The following SEPTIN8 variants were observed in gnomAD, a reference collection of about 807,000 sequenced individuals.
SEPTIN8 encodes the protein septin 8.
A neutral mutation model predicts 53.1 loss-of-function variants in SEPTIN8; 22 were observed. The observed-to-expected ratio is 0.41, with a 90% CI of 0.30 to 0.59. The LOEUF is 0.59. Ranked by LOEUF, SEPTIN8 falls within the 20% of genes least tolerant of loss-of-function variation. The pLI, the probability that SEPTIN8 is intolerant of heterozygous loss-of-function variation, is 0.24. For synonymous variants in SEPTIN8, 228 were observed against 248.4 expected, an observed-to-expected ratio of 0.92 and a Z score of 0.77; for missense variants, 536 against 638.7, an observed-to-expected ratio of 0.84 and a Z score of 1.73.
rs1754810490 is a variant in SEPTIN8, at chr5:132,751,123, A to T, written c.*893T>A. On this transcript the variant is annotated 3_prime_UTR_variant, in exon 10 of 10. Coordinates refer to ENST00000378719, the MANE Select transcript of SEPTIN8 (RefSeq NM_001098811.2). ...CTTGCACATGCACCACAGTGAGGTG[A>T]CGCACAAGGCTCATGACATACGGAA... 1 of 1,070,996 alleles carries T rather than the reference A, an allele frequency of 9.3e-7. No individual in the cohort carries two copies. Among genetic ancestry groups the T allele is most frequent in the Non-Finnish European group, 1.4e-6 (1 of 739,610 alleles). 66.3% of individuals were successfully genotyped at this position (1,070,996 alleles called of 1,614,324 possible). A position where few individuals can be genotyped will look rare whatever the true frequency, so the allele number is the denominator to read the frequency against.
chr5:132,774,655 C>T (rs1757626396), intron 1 of SEPTIN8, among the ~76,000 whole-genome samples: 1 of 152,210 alleles, frequency 6.6e-6, no homozygotes, highest in South Asian at 2.1e-4. Context: ...ACCCAGCACA[C>T]ATCCATCTCA....
chr5:132,777,367 C>A, upstream of SEPTIN8: 2 of 1,034,518 alleles, frequency 1.9e-6, no homozygotes, highest in African/African-American at 3.4e-5. The surrounding 1 kb of genome is among the most constrained non-coding windows in gnomAD (Gnocchi z 4.1). Flanking sequence ...GCAGCCGGAG[C>A]CCCGCCGCTT....
In SEPTIN8 at chr5:132,760,951, C is replaced by T. The variant is rs1342357835; in HGVS notation, c.1137G>A (p.Glu379=). 1.9e-6 allele frequency: 3 copies of T among 1,595,360 alleles called. No individual in the cohort carries two copies. The South Asian group carries it at 3.4e-5, about 18-fold the overall frequency. Residue 379 remains glutamate, a synonymous_variant, in exon 9 of 10, where the codon GAG becomes GAA. Transcript: ENST00000378719. The surrounding 1 kb of genome is among the most constrained non-coding windows in gnomAD (Gnocchi z 5.2). ...KFEHLKRVHQ[E]EKRKVEEKRR... is the part of the protein sequence containing the mutation. ...GCTTTTCCTCCACCTTGCGCTTCTC[C>T]TCCTGGTGGACCCGCTTCAGGTGCT... is the stretch of plus-strand genomic sequence containing the variant.
chr5:132,777,767 C>T (rs1177236631), upstream of SEPTIN8: 2 of 985,340 alleles, frequency 2.0e-6, no homozygotes, highest in Non-Finnish European at 2.4e-6. This position sits in a 1 kb window ranked among gnomAD's most constrained non-coding sequence, Gnocchi z 4.1. Context: ...CCTGATGCTC[C>T]GGCCGGAGCT....
At chr5:132,756,060 C>A in intron 9 of SEPTIN8, 1 of 985,214 alleles carries the variant, frequency 1.0e-6, no homozygotes, top group East Asian at 1.1e-4. Context: ...TGGAAAAGAA[C>A]AAAAACAGTC....
chr5:132,760,668 A>G lies in SEPTIN8; in HGVS notation c.1286+134T>C, dbSNP rs2149966188. The G allele has an allele frequency of 1.2e-6, 1 of 810,406 alleles. No individual in the cohort carries two copies. Among genetic ancestry groups the G allele is most frequent in the Non-Finnish European group, 2.0e-6 (1 of 506,830 alleles). 50.2% of individuals were successfully genotyped at this position (810,406 alleles called of 1,614,324 possible). ...AGAAAGCTGGGGGGAGAGCCACTGA[A>G]GATGAGGGAAAACCAAACAGGAAAG... On this transcript the variant is annotated intron_variant, in intron 9 of 9. Transcript: ENST00000378719. The surrounding 1 kb of genome is among the most constrained non-coding windows in gnomAD (Gnocchi z 5.2).
chr5:132,772,567 G>A (rs1420079054), intron 1 of SEPTIN8, among the ~76,000 whole-genome samples: 1 of 152,198 alleles, frequency 6.6e-6, no homozygotes, highest in Non-Finnish European at 1.5e-5. Flanking sequence ...GGCAGGAGAA[G>A]GCAGCCTCTG....
chr5:132,761,401 G>T lies in SEPTIN8; in HGVS notation c.962+57C>A, dbSNP rs1373008407. On this transcript the variant is annotated intron_variant, in intron 7 of 9. Coordinates refer to ENST00000378719, the MANE Select transcript of SEPTIN8 (RefSeq NM_001098811.2). This position sits in a 1 kb window ranked among gnomAD's most constrained non-coding sequence, Gnocchi z 5.8. ...GGGGTCCCTCAGGGAACAGATGCCAGGGTGGTGTGTCTGGCCACAGCTGTG... is the reference window on the plus strand; with the variant it reads ...GGGGTCCCTCAGGGAACAGATGCCATGGTGGTGTGTCTGGCCACAGCTGTG... 1.9e-6 allele frequency: 3 copies of T among 1,587,580 alleles called. No individual in the cohort carries two copies. The highest frequency in any genetic ancestry group is 2.6e-6 in the Non-Finnish European group (3 of 1,168,710).
upstream of SEPTIN8, among the ~76,000 whole-genome samples, chr5:132,779,351 C>G (rs528427578): frequency 6.6e-6 from 1 of 152,160 alleles, no homozygotes; most frequent in Non-Finnish European, 1.5e-5. Flanking sequence ...TTGGTCTCAC[C>G]GTCAAATAAC....
At chr5:132,765,651 C>T (rs770445327) in intron 1 of SEPTIN8, 122 bp from the exon 2 acceptor site, 1 of 1,227,714 alleles carries the variant, frequency 8.1e-7, no homozygotes, top group Non-Finnish European at 1.1e-6. Flanking sequence ...GAATTCTCAA[C>T]AAATCTCAGA....
intron 1 of SEPTIN8, among the ~76,000 whole-genome samples, chr5:132,766,010 C>T (rs967269420): frequency 3.3e-5 from 5 of 152,308 alleles, no homozygotes; most frequent in South Asian, 4.1e-4. Context: ...AGTAGGGCCA[C>T]GTCTGGTCCA....
rs60345195 is a variant in SEPTIN8 at position 132,753,175 on chromosome 5, G to A, written c.1287-994C>T. On this transcript the variant is annotated intron_variant, in intron 9 of 9. Transcript: ENST00000378719. ...CAGGCTGAGGTCAGTAGAGGTCAGGGTGGTCTGATAGACTATGACCCTGTC... is the reference window on the plus strand; with the variant it reads ...CAGGCTGAGGTCAGTAGAGGTCAGGATGGTCTGATAGACTATGACCCTGTC... The A allele has an allele frequency of 8.2e-3, 4,790 of 581,414 alleles. 161 individuals are homozygous for A. Among genetic ancestry groups the A allele is most frequent in the African/African-American group, 0.078 (4,198 of 53,758 alleles). The allele number at this position is 581,414 out of a possible 1,614,324, so 36.0% of individuals were successfully genotyped here. A position where few individuals can be genotyped will look rare whatever the true frequency, so the allele number is the denominator to read the frequency against.
chr5:132,754,598 A>C, intron 9 of SEPTIN8: 1 of 704,918 alleles, frequency 1.4e-6, no homozygotes, highest in Non-Finnish European at 2.6e-6. Context: ...CTTTCTATAA[A>C]TGATAGAACT....
At chr5:132,777,253 C>A, upstream of SEPTIN8, 2 of 1,134,792 alleles carry the variant, frequency 1.8e-6, no homozygotes, top group African/African-American at 1.6e-5. This position sits in a 1 kb window ranked among gnomAD's most constrained non-coding sequence, Gnocchi z 4.1. Context: ...TCCAATATGG[C>A]CACTTCCTGG....
chr5:132,755,928 A>G, intron 9 of SEPTIN8: 1 of 969,968 alleles, frequency 1.0e-6, no homozygotes, highest in Non-Finnish European at 1.2e-6. Flanking sequence ...GTATTTTACC[A>G]CAGTTGTAGC....
rs201534344 is a variant in SEPTIN8, at chr5:132,771,874, T to C, written c.30+5234A>G. Among the ~76,000 whole-genome samples, 19 of 108,826 alleles carry C rather than the reference T, an allele frequency of 1.7e-4. No homozygotes were observed. The East Asian group carries it at 5.5e-3, about 32-fold the overall frequency. 71.4% of individuals were successfully genotyped at this position (108,826 alleles called of 152,430 possible). Reference sequence around the variant, plus strand: ...GTTACGGGAAATAACCAAGGAGACATACGTGGGAGGGTGGGGGTGGGATGC... The same window carrying C: ...GTTACGGGAAATAACCAAGGAGACACACGTGGGAGGGTGGGGGTGGGATGC... On this transcript the variant is annotated intron_variant, in intron 1 of 9. Transcript: ENST00000378719.
Position 132,764,407 on chromosome 5 carries a change from A to C in SEPTIN8, c.164T>G (p.Ile55Ser). 6.2e-7 allele frequency: 1 copy of C among 1,613,224 alleles called. No homozygotes were observed. The change falls in exon 3 of 10, where the codon ATT becomes AGT. Residue 55 changes from isoleucine to serine, a missense_variant. Physicochemically the swap from Ile to Ser is moderately radical, Grantham distance 142. Coordinates refer to ENST00000378719, the MANE Select transcript of SEPTIN8 (RefSeq NM_001098811.2). ...FNILCVGETG[I>S]GKSTLMNTLF... ...TGTGTTCATCAGTGTGGATTTGCCA[A>C]TGCCGGTCTCCCCTGGGCAGTGAGG...
At position 132,761,535 on chromosome 5, in the gene SEPTIN8, C is replaced by A; in HGVS notation, c.885G>T (p.Arg295=). Residue 295 remains arginine (R), a synonymous_variant, in exon 7 of 10, where the codon CGG becomes CGT. Transcript: ENST00000378719. The surrounding 1 kb of genome is among the most constrained non-coding windows in gnomAD (Gnocchi z 5.8). ...TGCAGCGCCGGTAGAGCTCGTAGTGCCGGCTGTGGGTCTGCTCGCGGAGGT... is the reference window on the plus strand; with the variant it reads ...TGCAGCGCCGGTAGAGCTCGTAGTGACGGCTGTGGGTCTGCTCGCGGAGGT... The part of the protein sequence containing the change: ...MEDLREQTHS[R]HYELYRRCKL... 1 of 1,613,892 alleles carries A rather than the reference C, an allele frequency of 6.2e-7. No individual in the cohort carries two copies. Among genetic ancestry groups the A allele is most frequent in the Non-Finnish European group, 8.5e-7 (1 of 1,180,008 alleles).
Position 132,761,399 on chromosome 5 carries a change from C to T in SEPTIN8, c.962+59G>A. ...GTGGGGTCCCTCAGGGAACAGATGC[C>T]AGGGTGGTGTGTCTGGCCACAGCTG... On this transcript the variant is annotated intron_variant, in intron 7 of 9. Transcript: ENST00000378719. The surrounding 1 kb of genome is among the most constrained non-coding windows in gnomAD (Gnocchi z 5.8). The T allele has an allele frequency of 6.3e-7, 1 of 1,586,904 alleles. No individual in the cohort carries two copies. Among genetic ancestry groups the T allele is most frequent in the Non-Finnish European group, 8.6e-7 (1 of 1,168,502 alleles).
Sources: allele counts gnomAD v4.1 joint callset (sites outside exome capture counted in the v4.1 genomes callset), GRCh38; gene constraint gnomAD v4.1.1; non-coding constraint Gnocchi (gnomAD v3.1); transcripts MANE v1.5; gene names NCBI Gene and HGNC (gene_info 2026-07-23, HGNC 2026-07-21).